The following RNF130 variants were observed in gnomAD, a reference collection of about 807,000 sequenced individuals.
RNF130 encodes the protein ring finger protein 130.
RNF130 carries 21 observed loss-of-function variants against 44.6 expected under a neutral mutation model. That is an observed-to-expected ratio of 0.47 (90% confidence interval 0.33 to 0.68). The LOEUF (loss-of-function observed/expected upper bound fraction) is 0.68, where lower values mean the gene tolerates loss of function less well. RNF130 is among the 30% of genes least tolerant of loss of function. The pLI, the probability that RNF130 is intolerant of heterozygous loss-of-function variation, is 0.02. For synonymous variants in RNF130, 214 were observed against 210.4 expected, an observed-to-expected ratio of 1.02 and a Z score of -0.15; for missense variants, 479 against 560.6, an observed-to-expected ratio of 0.85 and a Z score of 1.47.
chr5:179,924,208 A>C (rs988779765), intron 7 of RNF130, among the ~76,000 whole-genome samples: 1 of 151,984 alleles, frequency 6.6e-6, no homozygotes, highest in African/African-American at 2.4e-5. Flanking sequence ...AATAAATAAA[A>C]ATTACTGCTG....
intron 8 of RNF130, among the ~76,000 whole-genome samples, chr5:179,961,876 G>A (rs1762337152): frequency 6.6e-6 from 1 of 152,114 alleles, no homozygotes; most frequent in Non-Finnish European, 1.5e-5. Context: ...AACTTCAATG[G>A]CACTGCAGTG....
chr5:179,973,500 G>A (rs995292106), intron 5 of RNF130, among the ~76,000 whole-genome samples: 2 of 152,358 alleles, frequency 1.3e-5, no homozygotes, highest in South Asian at 2.1e-4. Context: ...GACTGGGCCA[G>A]GGGCGTTTAA....
intron 1 of RNF130, among the ~76,000 whole-genome samples, chr5:180,050,807 CTTTTTA>C (rs1275466536): frequency 1.3e-5 from 2 of 152,072 alleles, no homozygotes; most frequent in Admixed American, 6.6e-5. Flanking sequence ...TTGCACTGTC[CTTTTTA>C]TTTTTATTTT....
intron 3 of RNF130, among the ~76,000 whole-genome samples, chr5:180,007,568 G>A (rs896273753): frequency 6.6e-6 from 1 of 152,100 alleles, no homozygotes; most frequent in Non-Finnish European, 1.5e-5. Flanking sequence ...AGCTTTTTAA[G>A]CCACATAAAA....
chr5:179,983,766 A>G (rs1762894982), intron 3 of RNF130, among the ~76,000 whole-genome samples: 1 of 152,202 alleles, frequency 6.6e-6, no homozygotes, highest in African/African-American at 2.4e-5. Flanking sequence ...CTTCCACTGA[A>G]CACTGTGTAT....
chr5:179,915,337 A>G (rs1003040570), exon 8 of RNF130: 2 of 151,662 alleles, frequency 1.3e-5, no homozygotes, highest in African/African-American at 4.9e-5. Context: ...TCGAAATAAA[A>G]CAAACAAACA....
At chr5:180,065,489 G>A (rs1267256936) in intron 1 of RNF130, among the ~76,000 whole-genome samples, 2 of 152,268 alleles carry the variant, frequency 1.3e-5, no homozygotes, top group African/African-American at 4.8e-5. Context: ...GGCCGGTCAC[G>A]GTGGCTCACA....
intron 2 of RNF130, among the ~76,000 whole-genome samples, chr5:180,036,899 T>C (rs80191022): frequency 0.03 from 4,587 of 152,328 alleles, 164 homozygotes; most frequent in East Asian, 0.17. Flanking sequence ...ATTTCCTTTC[T>C]TCCCTCTCCA....
chr5:180,071,611 C>T lies in RNF130; in HGVS notation c.92G>A (p.Ser31Asn). ...SLWPARADNA[S>N]QEYYTALINV... ...GATGAGCGCCGTGTAGTACTCCTGG[C>T]TCGCGTTGTCTGCCCGTGCCGGCCA... Residue 31 changes from serine (S) to asparagine (N), a missense_variant, in exon 1 of 9, where the codon AGC becomes AAC. Ser to Asn is a conservative substitution (Grantham distance 46, BLOSUM62 1). This residue lies in a region of RNF130 where 138 missense variants were observed against 126.9 expected (regional missense o/e 1.09). Coordinates refer to ENST00000521389, the MANE Select transcript of RNF130 (RefSeq NM_018434.6). The T allele has an allele frequency of 6.6e-7, 1 of 1,506,678 alleles. No homozygotes were observed. The allele number at this position is 1,506,678 out of a possible 1,614,324, so 93.3% of individuals were successfully genotyped here. A position where few individuals can be genotyped will look rare whatever the true frequency, so the allele number is the denominator to read the frequency against.
chr5:180,003,160 A>G (rs1306519078), intron 3 of RNF130, among the ~76,000 whole-genome samples: 2 of 152,164 alleles, frequency 1.3e-5, no homozygotes, highest in African/African-American at 4.8e-5. Context: ...AAGAGCGCAA[A>G]GTCAAGAAAG....
chr5:180,024,024 T>C (rs543395667), intron 2 of RNF130, among the ~76,000 whole-genome samples: 1 of 152,336 alleles, frequency 6.6e-6, no homozygotes, highest in South Asian at 2.1e-4. Flanking sequence ...CAAATCCCTG[T>C]GGTCTTCCTC....
At chr5:180,054,823 GAA>G (rs543834059) in intron 1 of RNF130, among the ~76,000 whole-genome samples, 210 of 152,304 alleles carry the variant, frequency 1.4e-3, no homozygotes, top group African/African-American at 4.9e-3. Context: ...CTATGAACAT[GAA>G]AAGTCTGTTT....
chr5:179,967,623 G>A (rs906853955), intron 6 of RNF130, among the ~76,000 whole-genome samples: 4 of 151,794 alleles, frequency 2.6e-5, no homozygotes, highest in African/African-American at 9.7e-5. Flanking sequence ...TAAAAAGTGA[G>A]CACCAAAAGT....
intron 1 of RNF130, 95 bp downstream of exon 1, chr5:180,071,361 G>A: frequency 8.6e-7 from 1 of 1,156,936 alleles, no homozygotes; most frequent in African/African-American, 1.6e-5. Flanking sequence ...GGCAGCGCGG[G>A]AGAGCCAGGG....
chr5:180,051,182 T>C (rs1764678250), intron 1 of RNF130, among the ~76,000 whole-genome samples: 1 of 152,116 alleles, frequency 6.6e-6, no homozygotes, highest in Non-Finnish European at 1.5e-5. Context: ...TTACCAATTG[T>C]AAATAAAAAG....
At chr5:180,014,961 G>A (rs1364336586) in intron 2 of RNF130, among the ~76,000 whole-genome samples, 1 of 152,118 alleles carries the variant, frequency 6.6e-6, no homozygotes, top group Non-Finnish European at 1.5e-5. Flanking sequence ...ACGCCAGCCT[G>A]GGTGACAGAG....
intron 6 of RNF130, among the ~76,000 whole-genome samples, chr5:179,967,561 A>G (rs1762478836): frequency 6.6e-6 from 1 of 152,258 alleles, no homozygotes; most frequent in African/African-American, 2.4e-5. Context: ...AAACCTAAGC[A>G]CCTAATCCTG....
At chr5:180,006,637 T>C (rs1025358635) in intron 3 of RNF130, among the ~76,000 whole-genome samples, 66 of 152,228 alleles carry the variant, frequency 4.3e-4, no homozygotes, top group Admixed American at 4.6e-4. Flanking sequence ...TGGCAGAATA[T>C]TTTACATCTG....
chr5:180,036,045 T>C (rs929606689), intron 2 of RNF130, among the ~76,000 whole-genome samples: 3 of 152,228 alleles, frequency 2.0e-5, no homozygotes, highest in Non-Finnish European at 2.9e-5. Context: ...CTATAGACTT[T>C]TGTTTTCCTG....
Sources: gnomAD v4.1 joint callset for allele counts (sites outside exome capture counted in the v4.1 genomes callset) on GRCh38, gnomAD v4.1.1 for gene constraint, gnomAD v4.1.1 regional missense constraint, MANE v1.5 for transcripts, NCBI Gene and HGNC (gene_info 2026-07-23, HGNC 2026-07-21) for gene names.